Variants in TEAD4 observed in about 807,000 individuals in gnomAD.
The protein encoded by TEAD4 is TEA domain transcription factor 4.
Under a neutral mutation model 52.4 loss-of-function variants are expected in TEAD4, and 36 were observed. The ratio of observed to expected loss-of-function variants is 0.69; its 90% CI spans 0.53 to 0.91. The LOEUF (loss-of-function observed/expected upper bound fraction) is 0.91. Ranked by LOEUF, TEAD4 falls within the 40% of genes least tolerant of loss-of-function variation. The probability of loss-of-function intolerance (pLI) is 0.00; values close to 1 mark genes in which losing one functional copy is unlikely to be tolerated. For missense variants in TEAD4, 508 were observed against 583.9 expected (o/e 0.87, Z 1.34); for synonymous variants, 220 against 231.0 (o/e 0.95, Z 0.43).
chr12:3,024,737 T>A (rs1355695200), intron 10 of TEAD4, among the ~76,000 whole-genome samples: 1 of 152,076 alleles, frequency 6.6e-6, no homozygotes, highest in Non-Finnish European at 1.5e-5. Flanking sequence ...CTTGTACAAC[T>A]TTTTTTTCCT....
Position 3,037,879 on chromosome 12 carries a change from C to T in TEAD4, c.898-89C>T. 6 of 1,486,754 alleles carry T rather than the reference C, an allele frequency of 4.0e-6. No individual in the cohort carries two copies. The South Asian group carries it at 8.1e-5, about 20-fold the overall frequency. 92.1% of individuals were successfully genotyped at this position (1,486,754 alleles called of 1,614,324 possible). On this transcript the variant is annotated intron_variant, in intron 10 of 12. Transcript: ENST00000359864. ...GTCTGATTTCTTCCCAGCCCTAGAG[C>T]CGGGACCGGGACCCTGAGGTCTCCT...
At chr12:3,026,193 T>C (rs2098271985) in intron 10 of TEAD4, among the ~76,000 whole-genome samples, 1 of 152,252 alleles carries the variant, frequency 6.6e-6, no homozygotes, top group Non-Finnish European at 1.5e-5. Context: ...CTATGATGTT[T>C]ACCATTTCTT....
chr12:3,038,189 G>A, intron 11 of TEAD4, 81 bp downstream of exon 11: 7 of 1,530,698 alleles, frequency 4.6e-6, no homozygotes, highest in Non-Finnish European at 8.8e-7. Context: ...CTTTCAGGAG[G>A]AATGCCCTCC....
chr12:3,015,188 C>T (rs28457687), intron 5 of TEAD4, among the ~76,000 whole-genome samples: 59,030 of 151,974 alleles, frequency 0.39, 12,715 homozygotes, highest in African/African-American at 0.57. Context: ...ACCCACTACT[C>T]GGAACAGTTC....
intron 2 of TEAD4, among the ~76,000 whole-genome samples, chr12:2,984,208 C>A (rs2098236277): frequency 6.6e-6 from 1 of 152,142 alleles, no homozygotes; most frequent in African/African-American, 2.4e-5. Context: ...CAGGGATCAG[C>A]AGATGGAAGC....
At chr12:3,032,787 C>T (rs1250927439) in intron 10 of TEAD4, among the ~76,000 whole-genome samples, 1 of 152,222 alleles carries the variant, frequency 6.6e-6, no homozygotes, top group Non-Finnish European at 1.5e-5. Flanking sequence ...CGGTCATCTG[C>T]TCCCTCCTCC....
rs576386154 is a variant in TEAD4, at chr12:2,990,765, C to G, written c.-29-3973C>G. ...ACAGGCATGAGCCACTTCGCCTGGC[C>G]CAGAGAACGCCTGGCCCAGAGAATC... On this transcript the variant is annotated intron_variant, in intron 2 of 12. Coordinates refer to ENST00000359864, the MANE Select transcript of TEAD4 (RefSeq NM_003213.4). Among the ~76,000 whole-genome samples, 200 of 152,106 alleles carry G rather than the reference C, an allele frequency of 1.3e-3. 2 individuals are homozygous for G. The highest frequency in any genetic ancestry group is 1.9e-3 in the Non-Finnish European group (129 of 67,994).
chr12:3,002,069 A>G (rs1408227817), intron 3 of TEAD4, among the ~76,000 whole-genome samples: 2 of 152,210 alleles, frequency 1.3e-5, no homozygotes, highest in African/African-American at 4.8e-5. Context: ...TCCATCCTGG[A>G]TGACAGAGTG....
chr12:3,032,780 T>C (rs2098276558), intron 10 of TEAD4, among the ~76,000 whole-genome samples: 1 of 152,136 alleles, frequency 6.6e-6, no homozygotes, highest in Admixed American at 6.5e-5. Context: ...ACCTTGGCGG[T>C]CATCTGCTCC....
Position 2,959,543 on chromosome 12 carries a change from G to C in TEAD4, c.-123+62G>C, listed in dbSNP as rs2098213441. 1 of 148,856 alleles carries C rather than the reference G, an allele frequency of 6.7e-6. No homozygotes were observed. Among genetic ancestry groups the C allele is most frequent in the Non-Finnish European group, 1.5e-5 (1 of 66,694 alleles). 9.2% of individuals were successfully genotyped at this position (148,856 alleles called of 1,614,324 possible). On this transcript the variant is annotated intron_variant, in intron 1 of 12. Transcript: ENST00000359864. The surrounding 1 kb of genome is among the most constrained non-coding windows in gnomAD (Gnocchi z 5.1). ...CCTCACGGGCCGCGCGCCCCACGCC[G>C]CCGCAGCCGACCGCTCGCGCCGCGT...
At chr12:2,976,434 G>T (rs1442699759) in intron 2 of TEAD4, among the ~76,000 whole-genome samples, 1 of 151,946 alleles carries the variant, frequency 6.6e-6, no homozygotes, top group South Asian at 2.1e-4. Context: ...GAGGCACCAC[G>T]AACCTGTGGC....
intron 2 of TEAD4, among the ~76,000 whole-genome samples, chr12:2,975,488 A>C (rs1276837092): frequency 6.6e-6 from 1 of 151,848 alleles, no homozygotes; most frequent in Non-Finnish European, 1.5e-5. Context: ...TCCCAGATTC[A>C]AGCAATTTTC....
chr12:3,012,879 G>T (rs553751436), intron 5 of TEAD4, among the ~76,000 whole-genome samples: 1 of 152,190 alleles, frequency 6.6e-6, no homozygotes, highest in Non-Finnish European at 1.5e-5. Context: ...AGGTGATGAC[G>T]ACAGAGGCTA....
In TEAD4 at chr12:2,994,634, C is replaced by T; in HGVS notation, c.-29-104C>T. 2.8e-6 allele frequency: 4 copies of T among 1,404,776 alleles called. No individual in the cohort carries two copies. Among genetic ancestry groups the T allele is most frequent in the Non-Finnish European group, 3.7e-6 (4 of 1,070,842 alleles). The allele number at this position is 1,404,776 out of a possible 1,614,324, so 87.0% of individuals were successfully genotyped here. A position where few individuals can be genotyped will look rare whatever the true frequency, so the allele number is the denominator to read the frequency against. On this transcript the variant is annotated intron_variant, in intron 2 of 12. Transcript: ENST00000359864. The surrounding 1 kb of genome is among the most constrained non-coding windows in gnomAD (Gnocchi z 4.7). ...AGATCTTTCACTTCACGCTTTGCTT[C>T]CTGAGCAACTGATTCGGGCTCTGGC...
At chr12:2,992,733 G>A (rs1044798467) in intron 2 of TEAD4, among the ~76,000 whole-genome samples, 4 of 152,142 alleles carry the variant, frequency 2.6e-5, no homozygotes, top group East Asian at 1.9e-4. Context: ...AAGTGGACTC[G>A]GTGGCTGGGA....
rs137867224 is a variant in TEAD4 at position 2,992,766 on chromosome 12, C to T, written c.-29-1972C>T. On this transcript the variant is annotated intron_variant, in intron 2 of 12. Transcript: ENST00000359864. ...GGATGGGGAGAAGTTGGGGGCTCTG[C>T]GAGGGCTGTGGGAGGTACGTGGTTC... Among the ~76,000 whole-genome samples, 260 of 152,060 alleles carry T rather than the reference C, an allele frequency of 1.7e-3. 2 individuals are homozygous for T. The highest frequency in any genetic ancestry group is 5.4e-3 in the African/African-American group (225 of 41,432).
chr12:3,022,629 A>G (rs747991015), intron 10 of TEAD4, among the ~76,000 whole-genome samples: 1 of 152,032 alleles, frequency 6.6e-6, no homozygotes, highest in Non-Finnish European at 1.5e-5. Context: ...TGTGGGTGGA[A>G]CCTCCTCCAT....
intron 3 of TEAD4, among the ~76,000 whole-genome samples, chr12:3,001,407 C>G (rs956435532): frequency 6.6e-6 from 1 of 152,188 alleles, no homozygotes; most frequent in Non-Finnish European, 1.5e-5. Flanking sequence ...CCATTCCCCT[C>G]TGCCCCTATA....
At chr12:3,011,390 C>T (rs2098260235) in intron 4 of TEAD4, among the ~76,000 whole-genome samples, 2 of 152,056 alleles carry the variant, frequency 1.3e-5, no homozygotes. Context: ...GCCACAATGC[C>T]CGGCTAATTT....
Sources: allele counts gnomAD v4.1 joint callset (sites outside exome capture counted in the v4.1 genomes callset), GRCh38; gene constraint gnomAD v4.1.1; non-coding constraint Gnocchi (gnomAD v3.1); transcripts MANE v1.5; gene names NCBI Gene and HGNC (gene_info 2026-07-23, HGNC 2026-07-21).